Variants in KCNIP4 observed in about 807,000 individuals in gnomAD.
KCNIP4 encodes potassium voltage-gated channel interacting protein 4.
KCNIP4 carries 12 observed loss-of-function variants against 34.0 expected under a neutral mutation model. The observed-to-expected ratio is 0.35, with a 90% CI of 0.23 to 0.57. The LOEUF is 0.57. Among genes scored for constraint, KCNIP4 ranks in the 20% least tolerant of loss-of-function variants. The pLI is 0.83. For synonymous variants in KCNIP4, 124 were observed against 102.2 expected (o/e 1.21, Z -1.29); for missense variants, 238 against 311.7 (o/e 0.76, Z 1.78).
intron 1 of KCNIP4, among the ~76,000 whole-genome samples, chr4:21,555,094 T>C (rs757791881): frequency 1.3e-5 from 2 of 152,154 alleles, no homozygotes; most frequent in African/African-American, 4.8e-5. Context: ...CTGTACACAG[T>C]TATTAGCCTG....
intron 1 of KCNIP4, among the ~76,000 whole-genome samples, chr4:21,735,392 C>T (rs28399840): frequency 0.09 from 13,747 of 152,080 alleles, 2,070 homozygotes; most frequent in African/African-American, 0.31. Flanking sequence ...CTTAAAACTT[C>T]ATTGCATCCT....
rs1553880904 is a variant in KCNIP4 at position 20,728,918 on chromosome 4, A to ATTTTTGGCTAAGATGAT, written c.*1163_*1164insATCATCTTAGCCAAAAA. ...TGGCAACTTTACAGTTTTGGCTAAG[A>ATTTTTGGCTAAGATGAT]TGATTAAAAATAATCTGAATTATGA... On this transcript the variant is annotated 3_prime_UTR_variant, in exon 9 of 9. Coordinates refer to ENST00000382152, the MANE Select transcript of KCNIP4 (RefSeq NM_025221.6). 4 of 152,030 alleles carry ATTTTTGGCTAAGATGAT rather than the reference A, an allele frequency of 2.6e-5. No individual in the cohort carries two copies. The South Asian group carries it at 6.2e-4, about 24-fold the overall frequency. The allele number at this position is 152,030 out of a possible 1,614,324, so 9.4% of individuals were successfully genotyped here.
At position 21,654,496 on chromosome 4, in the gene KCNIP4, TG is replaced by T. The variant is rs889111230; in HGVS notation, c.61+294074del. 3.5e-3 allele frequency among the ~76,000 whole-genome samples: 534 copies of T among 150,460 alleles called. 3 individuals are homozygous for T. Among genetic ancestry groups the T allele is most frequent in the African/African-American group, 0.012 (503 of 40,308 alleles). ...TTGCTAACAAATACCTTGATTAAAATGTTTTTTTTTTTTATCTAAAGATACC... is the reference window on the plus strand; with the variant it reads ...TTGCTAACAAATACCTTGATTAAAATTTTTTTTTTTTTATCTAAAGATACC... On this transcript the variant is annotated intron_variant, in intron 1 of 8. Coordinates refer to ENST00000382152, the MANE Select transcript of KCNIP4 (RefSeq NM_025221.6).
chr4:21,618,333 C>T (rs1744742813), intron 1 of KCNIP4, among the ~76,000 whole-genome samples: 2 of 151,854 alleles, frequency 1.3e-5, no homozygotes, highest in Non-Finnish European at 2.9e-5. Flanking sequence ...GAGTTAAAGC[C>T]CATTTAAATA....
intron 1 of KCNIP4, among the ~76,000 whole-genome samples, chr4:21,803,078 A>T (rs974904005): frequency 2.6e-5 from 4 of 152,202 alleles, no homozygotes; most frequent in African/African-American, 9.7e-5. Flanking sequence ...AAAGGGATGA[A>T]GGCCTGCTCC....
intron 1 of KCNIP4, among the ~76,000 whole-genome samples, chr4:21,271,877 C>T (rs986921444): frequency 1.3e-5 from 2 of 152,138 alleles, no homozygotes; most frequent in African/African-American, 4.8e-5. Flanking sequence ...ATCAAGAAAG[C>T]TCTTAGGATA....
chr4:21,175,062 C>T (rs1428265526), intron 1 of KCNIP4, among the ~76,000 whole-genome samples: 3 of 151,814 alleles, frequency 2.0e-5, no homozygotes, highest in African/African-American at 4.8e-5. Context: ...TAATGTCTCC[C>T]TCAGCTTGAC....
chr4:21,873,946 C>T (rs1327923838), intron 1 of KCNIP4, among the ~76,000 whole-genome samples: 2 of 152,176 alleles, frequency 1.3e-5, no homozygotes, highest in Non-Finnish European at 2.9e-5. Flanking sequence ...ATTCTACCTC[C>T]CCATGCATTT....
chr4:20,763,084 C>G (rs1222734517), intron 3 of KCNIP4, among the ~76,000 whole-genome samples: 1 of 152,114 alleles, frequency 6.6e-6, no homozygotes, highest in African/African-American at 2.4e-5. Flanking sequence ...TCCACCTGCT[C>G]TCTCCCTTGA....
chr4:21,629,913 C>A (rs1464205178), intron 1 of KCNIP4, among the ~76,000 whole-genome samples: 1 of 125,574 alleles, frequency 8.0e-6, no homozygotes, highest in East Asian at 2.5e-4. Flanking sequence ...TGCAGTGGTG[C>A]AATCATGGCT....
At chr4:21,446,418 T>C (rs967180344) in intron 1 of KCNIP4, among the ~76,000 whole-genome samples, 6 of 152,018 alleles carry the variant, frequency 3.9e-5, no homozygotes, top group African/African-American at 1.2e-4. Context: ...ATGTGGCACA[T>C]ATACACCATG....
At chr4:21,563,173 T>A (rs1739593744) in intron 1 of KCNIP4, among the ~76,000 whole-genome samples, 3 of 152,000 alleles carry the variant, frequency 2.0e-5, no homozygotes, top group Non-Finnish European at 4.4e-5. Context: ...TTTTTAAAGA[T>A]AGGTATTTCC....
At chr4:21,285,284 T>C (rs1763054199) in intron 1 of KCNIP4, among the ~76,000 whole-genome samples, 1 of 152,156 alleles carries the variant, frequency 6.6e-6, no homozygotes, top group Non-Finnish European at 1.5e-5. Context: ...CCCCACTCCA[T>C]ATCTTATTTA....
intron 1 of KCNIP4, among the ~76,000 whole-genome samples, chr4:21,697,163 A>AC (rs908576367): frequency 6.6e-6 from 1 of 151,976 alleles, no homozygotes; most frequent in Non-Finnish European, 1.5e-5. Flanking sequence ...AGTCAGTTCT[A>AC]CCCCCAAAAG....
intron 1 of KCNIP4, among the ~76,000 whole-genome samples, chr4:21,943,834 A>G (rs1730342183): frequency 6.6e-6 from 1 of 152,116 alleles, no homozygotes; most frequent in Admixed American, 6.5e-5. Context: ...GATGCTGAGA[A>G]CATAATCTTG....
At chr4:21,183,041 G>A (rs78439730) in intron 1 of KCNIP4, among the ~76,000 whole-genome samples, 2,369 of 152,084 alleles carry the variant, frequency 0.016, 46 homozygotes, top group African/African-American at 0.046. Flanking sequence ...GTTAATCACC[G>A]TTTTACTTTC....
intron 3 of KCNIP4, among the ~76,000 whole-genome samples, chr4:20,807,960 G>T (rs1715287891): frequency 6.6e-6 from 1 of 152,154 alleles, no homozygotes; most frequent in South Asian, 2.1e-4. Flanking sequence ...AATATAGCCT[G>T]ATGACAACAT....
chr4:21,519,658 A>G (rs118099862), intron 1 of KCNIP4, among the ~76,000 whole-genome samples: 1,660 of 136,002 alleles, frequency 0.012, 19 homozygotes, highest in East Asian at 0.036. Flanking sequence ...ATGTATGTGT[A>G]TATATACACG....
At chr4:20,955,100 C>A (rs1410060880) in intron 1 of KCNIP4, among the ~76,000 whole-genome samples, 1 of 152,080 alleles carries the variant, frequency 6.6e-6, no homozygotes, top group Non-Finnish European at 1.5e-5. Flanking sequence ...GGAGGGTTCT[C>A]GTATTGCAGT....
Sources: allele counts gnomAD v4.1 joint callset (sites outside exome capture counted in the v4.1 genomes callset), GRCh38; gene constraint gnomAD v4.1.1; transcripts MANE v1.5; gene names NCBI Gene and HGNC (gene_info 2026-07-23, HGNC 2026-07-21).